The following MCOLN3 variants were observed in gnomAD, a reference collection of about 807,000 sequenced individuals.
The protein encoded by MCOLN3 is mucolipin-3.
MCOLN3 carries 62 observed loss-of-function variants against 69.4 expected under a neutral mutation model. The observed-to-expected ratio is 0.89, with a 90% confidence interval of 0.73 to 1.10. The LOEUF is 1.10. Among genes scored for constraint, MCOLN3 ranks in the 50% least tolerant of loss-of-function variants. MCOLN3 has a pLI of 0.00. For missense variants in MCOLN3, 564 were observed against 656.4 expected (o/e 0.86, Z 1.54); for synonymous variants, 183 against 217.0 (o/e 0.84, Z 1.38).
chr1:85,030,690 T>G (rs1652462875), intron 6 of MCOLN3, among the ~76,000 whole-genome samples: 1 of 152,156 alleles, frequency 6.6e-6, no homozygotes, highest in South Asian at 2.1e-4. Flanking sequence ...CACAATCAAA[T>G]TGTTTTAAAG....
intron 6 of MCOLN3, chr1:85,029,455 C>G (rs1652395248): frequency 9.2e-6 from 3 of 327,098 alleles, no homozygotes. Context: ...CATTTCCACT[C>G]CAAAGAACTT....
intron 3 of MCOLN3, among the ~76,000 whole-genome samples, chr1:85,036,149 C>T (rs995061681): frequency 6.6e-6 from 1 of 152,166 alleles, no homozygotes; most frequent in Non-Finnish European, 1.5e-5. Flanking sequence ...CTGCAGTACC[C>T]TTGCACACAC....
At chr1:85,035,181 G>A (rs2102934116) in intron 3 of MCOLN3, among the ~76,000 whole-genome samples, 1 of 152,226 alleles carries the variant, frequency 6.6e-6, no homozygotes, top group Admixed American at 6.5e-5. Flanking sequence ...TTCTTTACTT[G>A]ACTTCTGGGA....
chr1:85,023,547 G>T (rs146987560), intron 9 of MCOLN3: 1 of 152,234 alleles, frequency 6.6e-6, no homozygotes, highest in South Asian at 2.1e-4. Context: ...GACTGCAGAG[G>T]TGGGGGCTTT....
chr1:85,034,614 G>T (rs1652721895), intron 3 of MCOLN3, among the ~76,000 whole-genome samples: 1 of 152,092 alleles, frequency 6.6e-6, no homozygotes, highest in East Asian at 1.9e-4. Flanking sequence ...CTCCTGTAAG[G>T]TCAGAGTTCT....
chr1:85,041,972 G>T (rs1277099244), intron 2 of MCOLN3, among the ~76,000 whole-genome samples: 2 of 146,446 alleles, frequency 1.4e-5, no homozygotes, highest in Non-Finnish European at 3.0e-5. Flanking sequence ...ACACACAAAT[G>T]CACACACAGC....
chr1:85,018,239 A>G lies in MCOLN3; in HGVS notation c.*884T>C, dbSNP rs1651756002. 6.6e-6 allele frequency: 1 copy of G among 152,192 alleles called. No individual in the cohort carries two copies. Among genetic ancestry groups the G allele is most frequent in the Non-Finnish European group, 1.5e-5 (1 of 68,038 alleles). The allele number at this position is 152,192 out of a possible 1,614,324, so 9.4% of individuals were successfully genotyped here. A position where few individuals can be genotyped will look rare whatever the true frequency, so the allele number is the denominator to read the frequency against. ...AATCAAGTAACAGTTGGCTTTCATA[A>G]CCAAATACAGTCATATGCTGGATAA... On this transcript the variant is annotated 3_prime_UTR_variant, in exon 13 of 13. Coordinates refer to ENST00000370589, the MANE Select transcript of MCOLN3 (RefSeq NM_018298.11).
chr1:85,029,399 T>A, intron 6 of MCOLN3, 194 bp from the exon 7 acceptor site: 1 of 546,524 alleles, frequency 1.8e-6, no homozygotes, highest in Non-Finnish European at 3.3e-6. Context: ...AACTAGATCT[T>A]CTACAGAGAC....
In MCOLN3 at chr1:85,045,380, C is replaced by T; in HGVS notation, c.-2-18G>A. ...TGCCATCTCTAGAGGAAAAAAACAA[C>T]AACAACAACAACCAACATTTCCATT... On this transcript the variant is annotated intron_variant, in intron 1 of 12. Coordinates refer to ENST00000370589, the MANE Select transcript of MCOLN3 (RefSeq NM_018298.11). The T allele has an allele frequency of 6.4e-7, 1 of 1,569,898 alleles. No homozygotes were observed. The highest frequency in any genetic ancestry group is 8.7e-7 in the Non-Finnish European group (1 of 1,149,116).
rs539592349 is a variant in MCOLN3, at chr1:85,022,058, GT to G, written c.1320+11del. ...GCTTAATAGTAACAGGAAAAAAGTT[GT>G]TTATCAGTACCTTGTCATGGTAAGG... On this transcript the variant is annotated intron_variant, in intron 11 of 12. Transcript: ENST00000370589. 5.6e-5 allele frequency: 90 copies of G among 1,607,120 alleles called. No individual in the cohort carries two copies. In the African/African-American group the frequency reaches 9.4e-4, roughly 17 times the overall value.
chr1:85,018,543 A>G lies in MCOLN3; in HGVS notation c.*580T>C, dbSNP rs946214209. The G allele has an allele frequency of 1.3e-5, 2 of 152,498 alleles. No homozygotes were observed. Among genetic ancestry groups the G allele is most frequent in the African/African-American group, 4.8e-5 (2 of 41,468 alleles). The allele number at this position is 152,498 out of a possible 1,614,324, so 9.4% of individuals were successfully genotyped here. On this transcript the variant is annotated 3_prime_UTR_variant, in exon 13 of 13. Coordinates refer to ENST00000370589, the MANE Select transcript of MCOLN3 (RefSeq NM_018298.11). ...CGCCTAATGACACATTTCTCAGAAC[A>G]TATCTCCATCCTTAAGTGACATATG...
chr1:85,046,402 G>C (rs2102948289), intron 1 of MCOLN3, among the ~76,000 whole-genome samples: 1 of 152,236 alleles, frequency 6.6e-6, no homozygotes, highest in Non-Finnish European at 1.5e-5. Flanking sequence ...AGTCACTCTA[G>C]AGACTGGGAT....
intron 7 of MCOLN3, 39 bp from the exon 8 acceptor site, chr1:85,026,323 G>T (rs749541169): frequency 7.8e-7 from 1 of 1,282,076 alleles, no homozygotes; most frequent in Non-Finnish European, 1.1e-6. Flanking sequence ...TATGTAGTGG[G>T]ACATTAATAT....
intron 12 of MCOLN3, among the ~76,000 whole-genome samples, chr1:85,020,641 G>A (rs74095735): frequency 0.053 from 8,009 of 152,276 alleles, 240 homozygotes; most frequent in African/African-American, 0.08. Context: ...CAAAGAAAAT[G>A]GGCTCAGTTA....
At position 85,021,159 on chromosome 1, in the gene MCOLN3, T is replaced by G. The variant is rs1198479581; in HGVS notation, c.1438A>C (p.Ile480Leu). 6.2e-7 allele frequency: 1 copy of G among 1,612,550 alleles called. No individual in the cohort carries two copies. The highest frequency in any genetic ancestry group is 8.5e-7 in the Non-Finnish European group (1 of 1,178,808). The change falls in exon 12 of 13, where the codon ATT becomes CTT. Residue 480 changes from isoleucine to leucine, a missense_variant. Physicochemically the swap from Ile to Leu is conservative, Grantham distance 5. Transcript: ENST00000370589. ...KSYLVWLFSR[I>L]YLYSFISLFI... ...AGGCTGATGAATGAGTAGAGGTAAA[T>G]TCTACTAAACAGCCAGACTAAGTAA... is the stretch of plus-strand genomic sequence containing the variant.
chr1:85,021,473 A>G (rs1571085049), intron 11 of MCOLN3, among the ~76,000 whole-genome samples, 197 bp from the exon 12 acceptor site: 1 of 152,304 alleles, frequency 6.6e-6, no homozygotes, highest in Non-Finnish European at 1.5e-5. Context: ...TTCCTGAGAC[A>G]AGCAGCTTTC....
At chr1:85,044,999 T>C (rs1420708408) in intron 2 of MCOLN3, 134 bp downstream of exon 2, 2 of 647,016 alleles carry the variant, frequency 3.1e-6, no homozygotes, top group East Asian at 5.5e-5. Context: ...GGGTCTAAGA[T>C]TGTATGTTTT....
At chr1:85,031,862 G>A (rs1415393286) in intron 6 of MCOLN3, among the ~76,000 whole-genome samples, 2 of 152,044 alleles carry the variant, frequency 1.3e-5, no homozygotes, top group Admixed American at 1.3e-4. Flanking sequence ...CACGAAGTCA[G>A]AAGATCGAGA....
chr1:85,034,320 C>T, intron 3 of MCOLN3, 69 bp from the exon 4 acceptor site: 1 of 1,511,728 alleles, frequency 6.6e-7, no homozygotes, highest in Non-Finnish European at 9.2e-7. Flanking sequence ...TAACTCCCCT[C>T]CCTCCCCACC....
Sources: allele counts gnomAD v4.1 joint callset (sites outside exome capture counted in the v4.1 genomes callset), GRCh38; gene constraint gnomAD v4.1.1; transcripts MANE v1.5; gene names NCBI Gene and HGNC (gene_info 2026-07-23, HGNC 2026-07-21).